KREMEN1: variants seen among roughly 807,000 people sequenced by gnomAD.
The protein encoded by KREMEN1 is kringle containing transmembrane protein 1.
A neutral mutation model predicts 46.5 loss-of-function variants in KREMEN1; 30 were observed. The ratio of observed to expected loss-of-function variants is 0.65; its 90% CI spans 0.48 to 0.88. The LOEUF (loss-of-function observed/expected upper bound fraction) is 0.88, where lower values mean the gene tolerates loss of function less well. Among genes scored for constraint, KREMEN1 ranks in the 40% least tolerant of loss-of-function variants. The pLI is 0.00. For missense variants in KREMEN1, 533 were observed against 596.9 expected (o/e 0.89, Z 1.11); for synonymous variants, 214 against 230.6 (o/e 0.93, Z 0.65).
chr22:29,160,279 C>A (rs1317706740), intron 9 of KREMEN1, among the ~76,000 whole-genome samples: 2 of 151,922 alleles, frequency 1.3e-5, no homozygotes, highest in Admixed American at 6.6e-5. Flanking sequence ...TCCTGTAATC[C>A]TAGCACTTCG....
At chr22:29,157,040 C>T (rs1273340851) in intron 9 of KREMEN1, among the ~76,000 whole-genome samples, 3 of 152,178 alleles carry the variant, frequency 2.0e-5, no homozygotes, top group African/African-American at 4.8e-5. Context: ...ATGGACTGAA[C>T]CCTTTTTACA....
chr22:29,132,747 ATTG>A (rs1162860982), intron 5 of KREMEN1, among the ~76,000 whole-genome samples: 2 of 152,142 alleles, frequency 1.3e-5, no homozygotes, highest in South Asian at 2.1e-4. Flanking sequence ...TCTTTCAGCT[ATTG>A]TTCGAAAAAG....
intron 1 of KREMEN1, among the ~76,000 whole-genome samples, chr22:29,086,340 C>G (rs1432068009): frequency 6.6e-6 from 1 of 152,158 alleles, no homozygotes; most frequent in African/African-American, 2.4e-5. Flanking sequence ...ATCATTTCCC[C>G]TTTATTGCAC....
chr22:29,149,570 C>T (rs906954579), downstream of KREMEN1, among the ~76,000 whole-genome samples: 3 of 152,108 alleles, frequency 2.0e-5, no homozygotes, highest in African/African-American at 7.2e-5. Context: ...TTTTTAATGG[C>T]AGGAAATGGC....
At chr22:29,074,426 A>C (rs183337134) in intron 1 of KREMEN1, among the ~76,000 whole-genome samples, 19 of 152,374 alleles carry the variant, frequency 1.2e-4, no homozygotes, top group African/African-American at 3.8e-4. Flanking sequence ...GCCAAGGCCA[A>C]GGCCAGGTCT....
downstream of KREMEN1, among the ~76,000 whole-genome samples, chr22:29,150,975 G>A (rs138923237): frequency 2.3e-3 from 353 of 152,288 alleles, 12 homozygotes; most frequent in East Asian, 0.059. Flanking sequence ...TGAGCTGCAG[G>A]CCCCTCCAAC....
In KREMEN1 at chr22:29,142,651, G is replaced by A. The variant is rs1167587301; in HGVS notation, c.*539G>A. ...CCTGGACATTAGCGAGGTGTAAAGA[G>A]GGCAGTGTCTGTGCTGCCCCGGCAG... On this transcript the variant is annotated 3_prime_UTR_variant, in exon 9 of 9. Coordinates refer to ENST00000400335, the MANE Select transcript of KREMEN1 (RefSeq NM_001039570.3). 4 of 985,452 alleles carry A rather than the reference G, an allele frequency of 4.1e-6. No homozygotes were observed. Among genetic ancestry groups the A allele is most frequent in the Non-Finnish European group, 4.8e-6 (4 of 830,046 alleles). 61.0% of individuals were successfully genotyped at this position (985,452 alleles called of 1,614,324 possible).
In KREMEN1 at chr22:29,160,995, AAGAG is replaced by A. The variant is rs201259343; in HGVS notation, c.1417-6045_1417-6042del. ...AAACCGCTAGCTAGATTAACAAAGA[AAGAG>A]AGATCAAATAAGCAAAATCAGAAAT... On this transcript the variant is annotated intron_variant, in intron 9 of 9. Transcript: ENST00000327813. Among the ~76,000 whole-genome samples, 1,007 of 135,892 alleles carry A rather than the reference AAGAG, an allele frequency of 7.4e-3. 11 individuals are homozygous for A. The highest frequency in any genetic ancestry group is 7.1e-3 in the Non-Finnish European group (419 of 59,094). 89.2% of individuals were successfully genotyped at this position (135,892 alleles called of 152,430 possible).
chr22:29,088,327 A>ACACACACACACG (rs35603207), intron 1 of KREMEN1, among the ~76,000 whole-genome samples: 2 of 150,408 alleles, frequency 1.3e-5, no homozygotes, highest in Non-Finnish European at 3.0e-5. Flanking sequence ...ACACACACAC[A>ACACACACACACG]CACGCACACA....
At position 29,142,077 on chromosome 22, in the gene KREMEN1, C is replaced by T; in HGVS notation, c.1342C>T (p.Gln448Ter). The T allele has an allele frequency of 6.2e-7, 1 of 1,611,802 alleles. No homozygotes were observed. The highest frequency in any genetic ancestry group is 8.5e-7 in the Non-Finnish European group (1 of 1,178,960). ...IFKKKLKGQSQQDDRNPLVSD is the reference protein window; with the variant it reads ...IFKKKLKGQS ...TAAGAAGAAACTCAAGGGTCAGAGTCAACAAGATGACCGCAATCCCCTTGT... is the reference window on the plus strand; with the variant it reads ...TAAGAAGAAACTCAAGGGTCAGAGTTAACAAGATGACCGCAATCCCCTTGT... The change falls in exon 9 of 9, where the codon CAA becomes TAA. Residue 448 changes from glutamine to a stop codon, truncating the protein, a stop_gained. Transcript: ENST00000400335. LOFTEE classifies it high-confidence loss of function.
At chr22:29,084,036 G>A (rs134627) in intron 1 of KREMEN1, among the ~76,000 whole-genome samples, 1 of 151,692 alleles carries the variant, frequency 6.6e-6, no homozygotes, top group African/African-American at 2.4e-5. Flanking sequence ...GGGTGAGGAG[G>A]TCCCGGAACT....
chr22:29,165,766 C>A (rs1820494865), intron 9 of KREMEN1, among the ~76,000 whole-genome samples: 2 of 152,206 alleles, frequency 1.3e-5, no homozygotes, highest in Admixed American at 1.3e-4. Context: ...GTCCCCCGAA[C>A]CCCATTCAAC....
chr22:29,142,795 A>C lies in KREMEN1; in HGVS notation c.*683A>C. The C allele has an allele frequency of 2.0e-6, 2 of 985,432 alleles. No individual in the cohort carries two copies. The highest frequency in any genetic ancestry group is 5.2e-4 in the Middle Eastern group (1 of 1,914). 61.0% of individuals were successfully genotyped at this position (985,432 alleles called of 1,614,324 possible). A position where few individuals can be genotyped will look rare whatever the true frequency, so the allele number is the denominator to read the frequency against. Reference sequence around the variant, plus strand: ...ATACCTTACACATGGGCTTCTTTCTAGATTCTTCTTTCCATAGCTCATGGA... The same window carrying C: ...ATACCTTACACATGGGCTTCTTTCTCGATTCTTCTTTCCATAGCTCATGGA... On this transcript the variant is annotated 3_prime_UTR_variant, in exon 9 of 9. Coordinates refer to ENST00000400335, the MANE Select transcript of KREMEN1 (RefSeq NM_001039570.3).
downstream of KREMEN1, among the ~76,000 whole-genome samples, chr22:29,149,348 A>G (rs1406091505): frequency 6.6e-6 from 1 of 152,030 alleles, no homozygotes; most frequent in Non-Finnish European, 1.5e-5. Context: ...TTTTTAGTAG[A>G]GACGGGGTTT....
chr22:29,150,320 C>T (rs974365307), downstream of KREMEN1, among the ~76,000 whole-genome samples: 16 of 152,158 alleles, frequency 1.1e-4, no homozygotes, highest in African/African-American at 3.9e-4. Context: ...TGTCCCCTCC[C>T]GGTGGTGGTT....
chr22:29,156,866 C>A (rs2038967044), intron 9 of KREMEN1, among the ~76,000 whole-genome samples: 1 of 152,194 alleles, frequency 6.6e-6, no homozygotes, highest in Non-Finnish European at 1.5e-5. Flanking sequence ...TCCCAGCAAC[C>A]CCATGAGGTA....
chr22:29,119,051 A>G (rs1276423753), intron 3 of KREMEN1, among the ~76,000 whole-genome samples: 1 of 152,116 alleles, frequency 6.6e-6, no homozygotes, highest in Non-Finnish European at 1.5e-5. Context: ...AGTTTATTAT[A>G]AAGGATATAG....
chr22:29,104,051 T>C (rs1156550338), intron 3 of KREMEN1, among the ~76,000 whole-genome samples: 1 of 151,940 alleles, frequency 6.6e-6, no homozygotes, highest in Non-Finnish European at 1.5e-5. Context: ...CTTTGAATAA[T>C]AAAAATTTAA....
chr22:29,073,341 T>G lies in KREMEN1; in HGVS notation c.97+114T>G. 1 of 270,914 alleles carries G rather than the reference T, an allele frequency of 3.7e-6. No homozygotes were observed. Among genetic ancestry groups the G allele is most frequent in the Middle Eastern group, 1.5e-3 (1 of 660 alleles). The allele number at this position is 270,914 out of a possible 1,614,324, so 16.8% of individuals were successfully genotyped here. Reference sequence around the variant, plus strand: ...CCCGCTTCAGGACCTTCCGGGCCCCTTCCCCTCGCCCCTAGGCGACGCCCC... The same window carrying G: ...CCCGCTTCAGGACCTTCCGGGCCCCGTCCCCTCGCCCCTAGGCGACGCCCC... On this transcript the variant is annotated intron_variant, in intron 1 of 8. Transcript: ENST00000400335. This position sits in a 1 kb window ranked among gnomAD's most constrained non-coding sequence, Gnocchi z 4.4.
Sources: gnomAD v4.1 joint callset for allele counts (sites outside exome capture counted in the v4.1 genomes callset) on GRCh38, gnomAD v4.1.1 for gene constraint, Gnocchi (gnomAD v3.1) non-coding constraint, MANE v1.5 for transcripts, NCBI Gene and HGNC (gene_info 2026-07-23, HGNC 2026-07-21) for gene names.